Variants in SUPT5H observed in about 807,000 individuals in gnomAD.
The protein encoded by SUPT5H is SPT5 homolog, DSIF elongation factor subunit.
Under a neutral mutation model 142.5 loss-of-function variants are expected in SUPT5H, and 24 were observed. The ratio of observed to expected loss-of-function variants is 0.17; its 90% CI spans 0.12 to 0.24. SUPT5H has a LOEUF of 0.24. Ranked by LOEUF, SUPT5H falls within the 10% of genes least tolerant of loss-of-function variation. The probability of loss-of-function intolerance (pLI) is 1.00; values close to 1 mark genes in which losing one functional copy is unlikely to be tolerated. For synonymous variants in SUPT5H, 546 were observed against 553.0 expected (o/e 0.99, Z 0.18); for missense variants, 893 against 1,471.8 (o/e 0.61, Z 6.43).
chr19:39,451,228 G>A (rs1224669065), intron 2 of SUPT5H, among the ~76,000 whole-genome samples: 1 of 128,736 alleles, frequency 7.8e-6, no homozygotes, highest in Non-Finnish European at 1.5e-5. Context: ...TTGCTGTGTC[G>A]CCTAGGCTGG....
Position 39,459,688 on chromosome 19 carries a change from C to T in SUPT5H, c.555+99C>T, listed in dbSNP as rs181773350. On this transcript the variant is annotated intron_variant, in intron 9 of 29. Transcript: ENST00000432763. ...GTCTGTCCCGGGTCTCCGTGGCCTGCCAGTCACTTGGTCCTTCTGTCTCCA... is the reference window on the plus strand; with the variant it reads ...GTCTGTCCCGGGTCTCCGTGGCCTGTCAGTCACTTGGTCCTTCTGTCTCCA... The T allele has an allele frequency of 4.1e-5, 61 of 1,493,956 alleles. No individual in the cohort carries two copies. The Admixed American group carries it at 1.0e-3, about 25-fold the overall frequency. 92.5% of individuals were successfully genotyped at this position (1,493,956 alleles called of 1,614,324 possible).
chr19:39,459,139 A>T (rs1377135408), intron 7 of SUPT5H, 45 bp from the exon 8 acceptor site: 13 of 1,611,914 alleles, frequency 8.1e-6, no homozygotes, highest in African/African-American at 1.3e-5. Context: ...AGGGGCGGGG[A>T]TCTGACAGAG....
At chr19:39,461,210 A>G (rs1207197746) in intron 10 of SUPT5H, among the ~76,000 whole-genome samples, 1 of 151,718 alleles carries the variant, frequency 6.6e-6, no homozygotes, top group Non-Finnish European at 1.5e-5. Context: ...GAATCACTTG[A>G]ATCTAGGAGG....
intron 8 of SUPT5H, 126 bp from the exon 9 acceptor site, chr19:39,459,433 G>A (rs2079133030): frequency 4.3e-6 from 6 of 1,385,142 alleles, no homozygotes; most frequent in Middle Eastern, 1.9e-4. Context: ...TAGAAGCGTG[G>A]GGAAGTCAGT....
chr19:39,466,090 A>G lies in SUPT5H; in HGVS notation c.877-390A>G, dbSNP rs2079230995. On this transcript the variant is annotated intron_variant, in intron 11 of 29. Transcript: ENST00000432763. This position sits in a 1 kb window ranked among gnomAD's most constrained non-coding sequence, Gnocchi z 4.3. Reference sequence around the variant, plus strand: ...GAGGGGAAGAGGTCAGGTATTTTGAAGGCAGAGCTGATGGAATTTGCCAAC... The same window carrying G: ...GAGGGGAAGAGGTCAGGTATTTTGAGGGCAGAGCTGATGGAATTTGCCAAC... 6.6e-6 allele frequency among the ~76,000 whole-genome samples: 1 copy of G among 152,098 alleles called. No homozygotes were observed. Among genetic ancestry groups the G allele is most frequent in the Admixed American group, 6.5e-5 (1 of 15,268 alleles).
At position 39,458,963 on chromosome 19, in the gene SUPT5H, C is replaced by A; in HGVS notation, c.390-42C>A. The A allele has an allele frequency of 6.2e-7, 1 of 1,614,072 alleles. No homozygotes were observed. The highest frequency in any genetic ancestry group is 8.5e-7 in the Non-Finnish European group (1 of 1,179,982). Reference sequence around the variant, plus strand: ...GGAGTAGGTCAGCCCACCTGCTGTCCTCAACCTTCAATTCGTGTTTGCTTC... The same window carrying A: ...GGAGTAGGTCAGCCCACCTGCTGTCATCAACCTTCAATTCGTGTTTGCTTC... On this transcript the variant is annotated intron_variant, in intron 6 of 29. Coordinates refer to ENST00000432763, the MANE Select transcript of SUPT5H (RefSeq NM_001111020.3). This position sits in a 1 kb window ranked among gnomAD's most constrained non-coding sequence, Gnocchi z 4.2.
At chr19:39,448,721 G>C (rs2078983265) in intron 2 of SUPT5H, among the ~76,000 whole-genome samples, 1 of 152,102 alleles carries the variant, frequency 6.6e-6, no homozygotes. Flanking sequence ...GACAGGTAGG[G>C]ATGGCAAATA....
Position 39,445,858 on chromosome 19 carries a change from CA to C in SUPT5H, c.-31del. The C allele has an allele frequency of 6.2e-7, 1 of 1,610,118 alleles. No individual in the cohort carries two copies. Among genetic ancestry groups the C allele is most frequent in the Non-Finnish European group, 8.5e-7 (1 of 1,178,664 alleles). On this transcript the variant is annotated 5_prime_UTR_variant, in exon 2 of 30. Coordinates refer to ENST00000432763, the MANE Select transcript of SUPT5H (RefSeq NM_001111020.3). ...TGGAGCGCAGGATTGTGGGACGCGC[CA>C]AGGCTGCTGTCTTTCCCAGCAGCAG...
chr19:39,455,551 G>T (rs577824747), intron 3 of SUPT5H, among the ~76,000 whole-genome samples: 1 of 151,538 alleles, frequency 6.6e-6, no homozygotes, highest in African/African-American at 2.4e-5. Context: ...AGCAAGACTC[G>T]GTCTAAACAA....
At chr19:39,457,576 G>A (rs1467445455) in intron 3 of SUPT5H, 99 bp from the exon 4 acceptor site, 1 of 1,552,696 alleles carries the variant, frequency 6.4e-7, no homozygotes, top group Non-Finnish European at 8.7e-7. Context: ...TCTGTGCGGT[G>A]GGGATTTGTA....
chr19:39,448,755 G>T, intron 2 of SUPT5H, among the ~76,000 whole-genome samples: 1 of 152,070 alleles, frequency 6.6e-6, no homozygotes, highest in East Asian at 1.9e-4. Flanking sequence ...GAGGGGAGCT[G>T]CTGGTTCACC....
rs1298318272 is a variant in SUPT5H, at chr19:39,473,511, A to T, written c.2482A>T (p.Thr828Ser). The T allele has an allele frequency of 6.2e-7, 1 of 1,609,696 alleles. No homozygotes were observed. Among genetic ancestry groups the T allele is most frequent in the South Asian group, 1.1e-5 (1 of 90,996 alleles). Residue 828 changes from threonine to serine, a missense_variant, in exon 25 of 30, where the codon ACG (threonine) becomes TCG (serine). Transcript: ENST00000432763. This position sits in a 1 kb window ranked among gnomAD's most constrained non-coding sequence, Gnocchi z 5.8. ...GGCCTGGGACCCCAACAACCCCAAC[A>T]CGCCGTCACGGTGAGTCCAGGGTTC... is the stretch of plus-strand genomic sequence containing the variant. Reference protein sequence around the residue: ...SGAWDPNNPNTPSRAEEEYEY... With the variant: ...SGAWDPNNPNSPSRAEEEYEY...
At position 39,466,660 on chromosome 19, in the gene SUPT5H, C is replaced by T. The variant is rs540157215; in HGVS notation, c.967-15C>T. 5 of 1,614,166 alleles carry T rather than the reference C, an allele frequency of 3.1e-6. No homozygotes were observed. The highest frequency in any genetic ancestry group is 1.1e-5 in the South Asian group (1 of 91,082). ...CCTCCCTCACCCTTCCCACCCATGC[C>T]CCTTTCCTCCATAGAAAGACTGGTT... On this transcript the variant is annotated splice_polypyrimidine_tract_variant and intron_variant, in intron 12 of 29. Transcript: ENST00000432763. The surrounding 1 kb of genome is among the most constrained non-coding windows in gnomAD (Gnocchi z 4.3).
Position 39,468,760 on chromosome 19 carries a change from C to A in SUPT5H, c.1042C>A (p.Leu348Met), listed in dbSNP as rs1205101524. ...CTCTCCCCCATCAAATTCCAGGTCC[C>A]TGGGGGGTGATGTTGCCTCTGATGG... Reference protein sequence around the residue: ...RLFDAEKIRSLGGDVASDGDF... With the variant: ...RLFDAEKIRSMGGDVASDGDF... The change falls in exon 14 of 30, where the codon CTG becomes ATG. Residue 348 changes from leucine (L) to methionine (M), a missense_variant. Leu to Met is a conservative substitution (Grantham distance 15). This residue lies in a region of SUPT5H where 428 missense variants were observed against 763.5 expected (regional missense o/e 0.56). Coordinates refer to ENST00000432763, the MANE Select transcript of SUPT5H (RefSeq NM_001111020.3). 1 of 1,614,056 alleles carries A rather than the reference C, an allele frequency of 6.2e-7. No individual in the cohort carries two copies. The highest frequency in any genetic ancestry group is 8.5e-7 in the Non-Finnish European group (1 of 1,179,942).
At chr19:39,459,722 TC>T in intron 9 of SUPT5H, 133 bp downstream of exon 9, 1 of 1,318,918 alleles carries the variant, frequency 7.6e-7, no homozygotes, top group Non-Finnish European at 1.1e-6. Flanking sequence ...CATCCCTCAC[TC>T]CACGTTACTG....
intron 13 of SUPT5H, 93 bp from the exon 14 acceptor site, chr19:39,468,663 C>A: frequency 1.8e-6 from 2 of 1,135,040 alleles, no homozygotes; most frequent in Non-Finnish European, 2.6e-6. Flanking sequence ...GCCTGTGGTC[C>A]TCTCCTTCTG....
chr19:39,462,927 C>T (rs2079184009), intron 10 of SUPT5H, among the ~76,000 whole-genome samples: 1 of 148,994 alleles, frequency 6.7e-6, no homozygotes, highest in African/African-American at 2.5e-5. Context: ...GCAACCTGCA[C>T]CTCCCGGGTT....
Position 39,474,373 on chromosome 19 carries a change from C to T in SUPT5H, c.2791C>T (p.His931Tyr), listed in dbSNP as rs2079371627. Residue 931 changes from histidine (H) to tyrosine (Y), a missense_variant, in exon 27 of 30, where the codon CAC becomes TAC. This residue lies in a region of SUPT5H where 336 missense variants were observed against 546.5 expected (regional missense o/e 0.61). Coordinates refer to ENST00000432763, the MANE Select transcript of SUPT5H (RefSeq NM_001111020.3). The surrounding 1 kb of genome is among the most constrained non-coding windows in gnomAD (Gnocchi z 6.5). ...GAATACCCACTCCCCAGCCAGCTAC[C>T]ACCCTACACCGTCGCCCATGGCCTA... Reference protein sequence around the residue: ...YQNTHSPASYHPTPSPMAYQA... With the variant: ...YQNTHSPASYYPTPSPMAYQA... 6.2e-7 allele frequency: 1 copy of T among 1,614,138 alleles called. No homozygotes were observed. The highest frequency in any genetic ancestry group is 8.5e-7 in the Non-Finnish European group (1 of 1,180,002).
Position 39,466,114 on chromosome 19 carries a change from A to C in SUPT5H, c.877-366A>C, listed in dbSNP as rs535676712. Among the ~76,000 whole-genome samples, 5 of 152,178 alleles carry C rather than the reference A, an allele frequency of 3.3e-5. No homozygotes were observed. Among genetic ancestry groups the C allele is most frequent in the Non-Finnish European group, 7.3e-5 (5 of 68,042 alleles). On this transcript the variant is annotated intron_variant, in intron 11 of 29. Transcript: ENST00000432763. This position sits in a 1 kb window ranked among gnomAD's most constrained non-coding sequence, Gnocchi z 4.3. ...AAGGCAGAGCTGATGGAATTTGCCA[A>C]CGGGTCGGGTGTGGGTGTAAGAGAA...
Sources: allele counts gnomAD v4.1 joint callset (sites outside exome capture counted in the v4.1 genomes callset), GRCh38; gene constraint gnomAD v4.1.1; regional missense constraint gnomAD v4.1.1; non-coding constraint Gnocchi (gnomAD v3.1); transcripts MANE v1.5; gene names NCBI Gene and HGNC (gene_info 2026-07-23, HGNC 2026-07-21).